The following ADGRE5 variants were observed in gnomAD, a reference collection of about 807,000 sequenced individuals.
The protein encoded by ADGRE5 is adhesion G protein-coupled receptor E5.
ADGRE5 carries 72 observed loss-of-function variants against 100.3 expected under a neutral mutation model. The ratio of observed to expected loss-of-function variants is 0.72; its 90% CI spans 0.59 to 0.87. The LOEUF (loss-of-function observed/expected upper bound fraction) is 0.87, where lower values mean the gene tolerates loss of function less well. Ranked by LOEUF, ADGRE5 falls within the 40% of genes least tolerant of loss-of-function variation. The pLI, the probability that ADGRE5 is intolerant of heterozygous loss-of-function variation, is 0.00. For missense variants in ADGRE5, 959 were observed against 1,094.7 expected, an observed-to-expected ratio of 0.88 and a Z score of 1.75; for synonymous variants, 439 against 447.8, an observed-to-expected ratio of 0.98 and a Z score of 0.25.
rs1205603876 is a variant in ADGRE5, at chr19:14,401,812, G to T, written c.1183+52G>T. 1.6e-6 allele frequency: 2 copies of T among 1,258,154 alleles called. No individual in the cohort carries two copies. The highest frequency in any genetic ancestry group is 1.5e-5 in the African/African-American group (1 of 66,598). The allele number at this position is 1,258,154 out of a possible 1,614,324, so 77.9% of individuals were successfully genotyped here. ...CCCGTGGGAGAGAGATGGAGGTGCT[G>T]GGATGGGGCCAGGGTGAGGTTCAGA... On this transcript the variant is annotated intron_variant, in intron 11 of 19. Transcript: ENST00000242786. This position sits in a 1 kb window ranked among gnomAD's most constrained non-coding sequence, Gnocchi z 4.1.
At chr19:14,394,262 T>G (rs985340062) in intron 4 of ADGRE5, among the ~76,000 whole-genome samples, 1 of 152,122 alleles carries the variant, frequency 6.6e-6, no homozygotes, top group Admixed American at 6.5e-5. Context: ...GCAGGACCTA[T>G]GACCAGAGGT....
chr19:14,394,758 C>A (rs1486343629), intron 4 of ADGRE5, among the ~76,000 whole-genome samples: 3 of 152,100 alleles, frequency 2.0e-5, no homozygotes, highest in African/African-American at 7.2e-5. Context: ...CATAATGAAC[C>A]CCAAAACCCT....
At position 14,406,183 on chromosome 19, in the gene ADGRE5, C is replaced by T; in HGVS notation, c.1822-148C>T. ...TTCTGAGCGTTGTTGGGGGTGGGCC[C>T]TGGGGGGAAACCTGGCCCCCGCTCC... On this transcript the variant is annotated intron_variant, in intron 14 of 19. Transcript: ENST00000242786. This position sits in a 1 kb window ranked among gnomAD's most constrained non-coding sequence, Gnocchi z 6.0. The T allele has an allele frequency of 1.4e-6, 1 of 736,810 alleles. No individual in the cohort carries two copies. The allele number at this position is 736,810 out of a possible 1,614,324, so 45.6% of individuals were successfully genotyped here.
In ADGRE5 at chr19:14,406,409, G is replaced by A; in HGVS notation, c.1900G>A (p.Gly634Ser). 1 of 1,592,758 alleles carries A rather than the reference G, an allele frequency of 6.3e-7. No homozygotes were observed. Among genetic ancestry groups the A allele is most frequent in the Non-Finnish European group, 8.5e-7 (1 of 1,170,176 alleles). ...CGCCTTCTGCTGGATGAGCCTCGAA[G>A]GCCTGGAGCTCTACTTTCTTGTGGT... ...LAAFCWMSLE[G>S]LELYFLVVRV... is the part of the protein sequence containing the mutation. The change falls in exon 15 of 20, where the codon GGC becomes AGC. Residue 634 changes from glycine to serine, a missense_variant. By Grantham distance (56) the Gly-to-Ser change is moderately conservative (BLOSUM62 0). This residue lies in a region of ADGRE5 where 428 missense variants were observed against 386.2 expected (regional missense o/e 1.11). Coordinates refer to ENST00000242786, the MANE Select transcript of ADGRE5 (RefSeq NM_078481.4). The surrounding 1 kb of genome is among the most constrained non-coding windows in gnomAD (Gnocchi z 6.0).
At chr19:14,402,959 CT>C in intron 12 of ADGRE5, 97 bp downstream of exon 12, 2 of 1,225,130 alleles carry the variant, frequency 1.6e-6, no homozygotes, top group Non-Finnish European at 2.3e-6. Context: ...GTGACTCAGT[CT>C]TTTATGTTTC....
Position 14,406,583 on chromosome 19 carries a change from G to A in ADGRE5, c.2048+26G>A. The A allele has an allele frequency of 6.2e-7, 1 of 1,605,752 alleles. No individual in the cohort carries two copies. The highest frequency in any genetic ancestry group is 8.5e-7 in the Non-Finnish European group (1 of 1,175,074). On this transcript the variant is annotated intron_variant, in intron 15 of 19. Transcript: ENST00000242786. The surrounding 1 kb of genome is among the most constrained non-coding windows in gnomAD (Gnocchi z 6.0). ...GTGAGTGCAGCGAGATGGGGCAGGA[G>A]GAAGGCGGGGTGCTGGGCCTGGGGC...
Position 14,402,767 on chromosome 19 carries a change from C to A in ADGRE5, c.1354C>A (p.His452Asn). The A allele has an allele frequency of 6.2e-7, 1 of 1,614,128 alleles. No homozygotes were observed. The change falls in exon 12 of 20, where the codon CAC (histidine) becomes AAC (asparagine). Residue 452 changes from histidine (H) to asparagine (N), a missense_variant. This residue lies in a region of ADGRE5 where 246 missense variants were observed against 242.2 expected (regional missense o/e 1.02). Coordinates refer to ENST00000242786, the MANE Select transcript of ADGRE5 (RefSeq NM_078481.4). ...LSAVNSIFLS[H>N]NNTKELNSPI... ...TGCCGTCAACTCCATCTTTCTGAGC[C>A]ACAACAACACCAAGGAACTCAACTC... is the stretch of plus-strand genomic sequence containing the variant.
chr19:14,381,618 G>C, intron 1 of ADGRE5, 73 bp downstream of exon 1: 2 of 1,526,918 alleles, frequency 1.3e-6, no homozygotes, highest in Non-Finnish European at 1.8e-6. Context: ...TCTGAGAAAC[G>C]GGAGGCGCCG....
At chr19:14,389,467 T>A (rs1975515401) in intron 3 of ADGRE5, among the ~76,000 whole-genome samples, 1 of 149,766 alleles carries the variant, frequency 6.7e-6, no homozygotes, top group South Asian at 2.1e-4. Context: ...GCATGGTGGG[T>A]CATGCCTGTA....
chr19:14,391,189 G>T, intron 4 of ADGRE5, 110 bp downstream of exon 4: 2 of 1,423,634 alleles, frequency 1.4e-6, no homozygotes, highest in Non-Finnish European at 9.7e-7. Context: ...TCAGTGCCTG[G>T]CGTCTGAGAT....
Position 14,397,385 on chromosome 19 carries a change from C to T in ADGRE5, c.625+162C>T, listed in dbSNP as rs566468363. 113 of 1,107,750 alleles carry T rather than the reference C, an allele frequency of 1.0e-4. 2 individuals carry two copies. Among genetic ancestry groups the T allele is most frequent in the South Asian group, 6.3e-4 (41 of 64,716 alleles). The allele number at this position is 1,107,750 out of a possible 1,614,324, so 68.6% of individuals were successfully genotyped here. On this transcript the variant is annotated intron_variant, in intron 6 of 19. Coordinates refer to ENST00000242786, the MANE Select transcript of ADGRE5 (RefSeq NM_078481.4). ...AGATGAGAAAAGAGCAAGGGTCCTC[C>T]GGAAGGAGCTGGGGTACTGAGGGGG...
In ADGRE5 at chr19:14,406,091, G is replaced by A; in HGVS notation, c.1821+152G>A. On this transcript the variant is annotated intron_variant, in intron 14 of 19. Coordinates refer to ENST00000242786, the MANE Select transcript of ADGRE5 (RefSeq NM_078481.4). This position sits in a 1 kb window ranked among gnomAD's most constrained non-coding sequence, Gnocchi z 6.0. ...GGGATCTGGCCCCGCCCACCGGGGG[G>A]TCGGGTTGTCTCTTTAAAGGGCGCT... 1 of 747,512 alleles carries A rather than the reference G, an allele frequency of 1.3e-6. No homozygotes were observed. Among genetic ancestry groups the A allele is most frequent in the Admixed American group, 3.0e-5 (1 of 33,896 alleles). 46.3% of individuals were successfully genotyped at this position (747,512 alleles called of 1,614,324 possible).
At chr19:14,382,943 C>T (rs1975213244) in intron 1 of ADGRE5, among the ~76,000 whole-genome samples, 1 of 151,980 alleles carries the variant, frequency 6.6e-6, no homozygotes, top group Non-Finnish European at 1.5e-5. Flanking sequence ...ACCATGATGG[C>T]CAGGCTGGTC....
chr19:14,398,565 C>T (rs1383613025), intron 9 of ADGRE5, among the ~76,000 whole-genome samples: 1 of 151,096 alleles, frequency 6.6e-6, no homozygotes, highest in Non-Finnish European at 1.5e-5. Flanking sequence ...GTCCCAGCTA[C>T]TCAGCAGGCT....
intron 1 of ADGRE5, among the ~76,000 whole-genome samples, chr19:14,386,886 G>A (rs1344432935): frequency 6.6e-6 from 1 of 151,476 alleles, no homozygotes; most frequent in Non-Finnish European, 1.5e-5. Flanking sequence ...TTGGTGGCGG[G>A]TGCCTGTAAT....
rs371830952 is a variant in ADGRE5, at chr19:14,402,819, T to C, written c.1406T>C (p.Leu469Pro). 1 of 1,613,950 alleles carries C rather than the reference T, an allele frequency of 6.2e-7. No individual in the cohort carries two copies. Among genetic ancestry groups the C allele is most frequent in the African/African-American group, 1.3e-5 (1 of 74,906 alleles). The stretch of plus-strand genomic sequence containing the variant: ...CCCATCCTTTTCGCCTTCTCCCACC[T>C]TGAGTCCTCCGATGGGGAGGCGGGA... ...NSPILFAFSH[L>P]ESSDGEAGRD... Residue 469 changes from leucine (L) to proline (P), a missense_variant, in exon 12 of 20, where the codon CTT becomes CCT. Physicochemically the swap from Leu to Pro is moderately conservative, Grantham distance 98. Around this residue, in one of 6 missense-constraint regions of ADGRE5, gnomAD observed 246 missense variants for 242.2 expected, o/e 1.02. Coordinates refer to ENST00000242786, the MANE Select transcript of ADGRE5 (RefSeq NM_078481.4).
In ADGRE5 at chr19:14,404,395, G is replaced by C; in HGVS notation, c.1462G>C (p.Gly488Arg). 6.2e-7 allele frequency: 1 copy of C among 1,609,540 alleles called. No individual in the cohort carries two copies. The highest frequency in any genetic ancestry group is 8.5e-7 in the Non-Finnish European group (1 of 1,178,824). ...CATCTGCCCACAGGACGTGATGCCT[G>C]GGCCACGGCAGGAGCTGCTCTGTGC... Reference protein sequence around the residue: ...RDPPAKDVMPGPRQELLCAFW... With the variant: ...RDPPAKDVMPRPRQELLCAFW... Residue 488 changes from glycine to arginine, a missense_variant, in exon 13 of 20, where the codon GGG becomes CGG. Physicochemically the swap from Gly to Arg is moderately radical, Grantham distance 125. This residue lies in a region of ADGRE5 where 246 missense variants were observed against 242.2 expected (regional missense o/e 1.02). Coordinates refer to ENST00000242786, the MANE Select transcript of ADGRE5 (RefSeq NM_078481.4).
chr19:14,398,391 C>G, intron 9 of ADGRE5: 4 of 481,638 alleles, frequency 8.3e-6, no homozygotes, highest in Non-Finnish European at 1.5e-5. Context: ...GAGTTGAGGC[C>G]GGGCACGGTG....
chr19:14,398,167 G>A (rs1975858278), intron 9 of ADGRE5, 28 bp downstream of exon 9: 1 of 1,609,826 alleles, frequency 6.2e-7, no homozygotes, highest in South Asian at 1.1e-5. Context: ...GGGGACCCCA[G>A]GACAGTGTAG....
Sources: gnomAD v4.1 joint callset for allele counts (sites outside exome capture counted in the v4.1 genomes callset) on GRCh38, gnomAD v4.1.1 for gene constraint, gnomAD v4.1.1 regional missense constraint, Gnocchi (gnomAD v3.1) non-coding constraint, MANE v1.5 for transcripts, NCBI Gene and HGNC (gene_info 2026-07-23, HGNC 2026-07-21) for gene names.